PRDM9: variants seen among roughly 807,000 people sequenced by gnomAD.
PRDM9 encodes PR/SET domain 9.
Under a neutral mutation model 55.6 loss-of-function variants are expected in PRDM9, and 47 were observed. The observed-to-expected ratio is 0.85, with a 90% CI of 0.67 to 1.08. PRDM9 has a LOEUF of 1.08. Ranked by LOEUF, PRDM9 falls within the 50% of genes least tolerant of loss-of-function variation. The pLI, the probability that PRDM9 is intolerant of heterozygous loss-of-function variation, is 0.00. For synonymous variants in PRDM9, 312 were observed against 375.7 expected (o/e 0.83, Z 1.96); for missense variants, 867 against 1,040.3 (o/e 0.83, Z 2.29).
chr5:23,522,317 G>T lies in PRDM9; in HGVS notation c.522G>T (p.Lys174Asn). The T allele has an allele frequency of 6.2e-7, 1 of 1,613,808 alleles. No homozygotes were observed. The highest frequency in any genetic ancestry group is 1.1e-5 in the South Asian group (1 of 91,064). ...HSRLKLELRK[K>N]ETERKMYSLR... ...TCTCCAACCTAGAACTCAGGAAGAA[G>T]GAGACTGAAAGAAAGATGTATAGCC... is the stretch of plus-strand genomic sequence containing the variant. Residue 174 changes from lysine (K) to asparagine (N), a missense_variant, in exon 7 of 11, where the codon AAG (lysine) becomes AAT (asparagine). Coordinates refer to ENST00000296682, the MANE Select transcript of PRDM9 (RefSeq NM_020227.4).
intron 6 of PRDM9, among the ~76,000 whole-genome samples, chr5:23,521,626 C>T (rs1450188405): frequency 6.6e-6 from 1 of 152,174 alleles, no homozygotes; most frequent in African/African-American, 2.4e-5. Flanking sequence ...GCTTGAGCCA[C>T]CATGTCCAGC....
At chr5:23,509,880 A>C in intron 3 of PRDM9, 40 bp from the exon 4 acceptor site, 1 of 1,608,730 alleles carries the variant, frequency 6.2e-7, no homozygotes, top group Non-Finnish European at 8.5e-7. Context: ...TCCTTCTCCC[A>C]GCTCTTCCAT....
At chr5:23,510,195 C>T (rs1462817959) in intron 4 of PRDM9, among the ~76,000 whole-genome samples, 168 bp downstream of exon 4, 1 of 151,508 alleles carries the variant, frequency 6.6e-6, no homozygotes, top group African/African-American at 2.4e-5. Flanking sequence ...ACTGGGATTA[C>T]AAGCATCCAC....
chr5:23,508,959 G>A lies in PRDM9; in HGVS notation c.-75G>A. ...CCTTCTCCTTCCACAGGAGCCTTTG[G>A]CCTAGGAGCTGGGAGACTCAGGGCC... On this transcript the variant is annotated 5_prime_UTR_variant, in exon 2 of 11. Transcript: ENST00000296682. 6.4e-7 allele frequency: 1 copy of A among 1,552,864 alleles called. No homozygotes were observed. Among genetic ancestry groups the A allele is most frequent in the Non-Finnish European group, 8.8e-7 (1 of 1,132,896 alleles).
chr5:23,516,372 T>A (rs1295407603), intron 4 of PRDM9, among the ~76,000 whole-genome samples: 1 of 152,164 alleles, frequency 6.6e-6, no homozygotes, highest in East Asian at 1.9e-4. Context: ...GGTGAATTCA[T>A]GTATTATTAT....
In PRDM9 at chr5:23,520,051, T is replaced by A. The variant is rs12110132; in HGVS notation, c.352-972T>A. 4.5e-3 allele frequency among the ~76,000 whole-genome samples: 631 copies of A among 141,424 alleles called. 4 individuals carry two copies. Among genetic ancestry groups the A allele is most frequent in the Non-Finnish European group, 5.2e-3 (341 of 65,110 alleles). The allele number at this position is 141,424 out of a possible 152,430, so 92.8% of individuals were successfully genotyped here. On this transcript the variant is annotated intron_variant, in intron 5 of 10. Coordinates refer to ENST00000296682, the MANE Select transcript of PRDM9 (RefSeq NM_020227.4). Reference sequence around the variant, plus strand: ...AAAGTGAGACTCCCTCTCAAAAAAATAAAAAAAAAAAAGAATTAGCATGGT... The same window carrying A: ...AAAGTGAGACTCCCTCTCAAAAAAAAAAAAAAAAAAAAGAATTAGCATGGT...
At chr5:23,516,301 T>C (rs1017984775) in intron 4 of PRDM9, among the ~76,000 whole-genome samples, 1 of 152,212 alleles carries the variant, frequency 6.6e-6, no homozygotes, top group Non-Finnish European at 1.5e-5. Flanking sequence ...TTAATTTCCT[T>C]TGTGGATTGC....
Position 23,526,802 on chromosome 5 carries a change from A to C in PRDM9, c.1714A>C (p.Arg572=). The change falls in exon 11 of 11, where the codon AGG becomes CGG. Residue 572 remains arginine, a synonymous_variant. Transcript: ENST00000296682. The stretch of plus-strand genomic sequence containing the variant: ...GAAGTCACACCTCCTCATTCACCAG[A>C]GGATACACACAGGGGAGAAGCCCTA... The part of the protein sequence containing the change: ...SWKSHLLIHQ[R]IHTGEKPYVC... 2 of 1,587,592 alleles carry C rather than the reference A, an allele frequency of 1.3e-6. No individual in the cohort carries two copies. Among genetic ancestry groups the C allele is most frequent in the Non-Finnish European group, 1.7e-6 (2 of 1,168,114 alleles).
chr5:23,509,685 G>T, intron 3 of PRDM9, 92 bp downstream of exon 3: 1 of 1,597,964 alleles, frequency 6.3e-7, no homozygotes, highest in East Asian at 2.2e-5. Flanking sequence ...GGTGGCATCT[G>T]CCCACAATTC....
rs372056056 is a variant in PRDM9 at position 23,522,924 on chromosome 5, A to C, written c.882+39A>C. 13 of 1,614,078 alleles carry C rather than the reference A, an allele frequency of 8.1e-6. No individual in the cohort carries two copies. The African/African-American group carries it at 1.3e-4, about 17-fold the overall frequency. Reference sequence around the variant, plus strand: ...GCCATTTCCCCTGTTCTGTCTTCCCACATCCCTTCTGTGCCTTTGGTGGGG... The same window carrying C: ...GCCATTTCCCCTGTTCTGTCTTCCCCCATCCCTTCTGTGCCTTTGGTGGGG... On this transcript the variant is annotated intron_variant, in intron 8 of 10. Coordinates refer to ENST00000296682, the MANE Select transcript of PRDM9 (RefSeq NM_020227.4).
chr5:23,514,643 T>C (rs1561017948), intron 4 of PRDM9, among the ~76,000 whole-genome samples: 1 of 152,128 alleles, frequency 6.6e-6, no homozygotes, highest in Admixed American at 6.5e-5. Context: ...TTTTACCATG[T>C]TGACCAGGCT....
At chr5:23,509,755 G>A (rs1181645161) in intron 3 of PRDM9, among the ~76,000 whole-genome samples, 162 bp downstream of exon 3, 7 of 152,144 alleles carry the variant, frequency 4.6e-5, no homozygotes, top group South Asian at 4.1e-4. Context: ...GTGCAGGGCT[G>A]AGTGTGGATA....
chr5:23,523,663 A>C (rs1739378139), intron 9 of PRDM9, among the ~76,000 whole-genome samples: 1 of 152,228 alleles, frequency 6.6e-6, no homozygotes, highest in Admixed American at 6.5e-5. Context: ...ATCCACGTTT[A>C]TTAAGCACTT....
chr5:23,521,333 AATT>A (rs1476081011), intron 6 of PRDM9, among the ~76,000 whole-genome samples, 154 bp downstream of exon 6: 1 of 152,032 alleles, frequency 6.6e-6, no homozygotes, highest in Non-Finnish European at 1.5e-5. Context: ...ATTTTGTTAA[AATT>A]ATTTATTTAT....
chr5:23,521,613 C>T (rs1182489040), intron 6 of PRDM9, among the ~76,000 whole-genome samples: 1 of 152,168 alleles, frequency 6.6e-6, no homozygotes, highest in African/African-American at 2.4e-5. Context: ...GCTGGGATTA[C>T]AGGCTTGAGC....
intron 4 of PRDM9, among the ~76,000 whole-genome samples, chr5:23,511,284 C>A (rs1739090667): frequency 6.6e-6 from 1 of 152,134 alleles, no homozygotes; most frequent in African/African-American, 2.4e-5. Flanking sequence ...AAGCAAAATG[C>A]AAGACAGTAT....
chr5:23,524,391 C>A lies in PRDM9; in HGVS notation c.1008C>A (p.His336Gln). 1.2e-6 allele frequency: 2 copies of A among 1,613,868 alleles called. No individual in the cohort carries two copies. Among genetic ancestry groups the A allele is most frequent in the Non-Finnish European group, 1.7e-6 (2 of 1,179,786 alleles). Residue 336 changes from histidine (H) to glutamine (Q), a missense_variant, in exon 10 of 11, where the codon CAC becomes CAA. Physicochemically the swap from His to Gln is conservative, Grantham distance 24. Transcript: ENST00000296682. ...AGAACCTGGTGGCCTTCCAGTACCACAGGCAGATCTTCTATAGAACCTGCC... is the reference window on the plus strand; with the variant it reads ...AGAACCTGGTGGCCTTCCAGTACCAAAGGCAGATCTTCTATAGAACCTGCC... ...EEQNLVAFQY[H>Q]RQIFYRTCRV...
intron 4 of PRDM9, among the ~76,000 whole-genome samples, chr5:23,517,524 G>A (rs1739238105): frequency 6.6e-6 from 1 of 152,100 alleles, no homozygotes; most frequent in South Asian, 2.1e-4. Context: ...GGTGGCTCAC[G>A]CCTGTAATCT....
intron 4 of PRDM9, among the ~76,000 whole-genome samples, chr5:23,513,680 G>A (rs917130917): frequency 6.6e-6 from 1 of 152,066 alleles, no homozygotes; most frequent in African/African-American, 2.4e-5. Context: ...AGGAGTTTGA[G>A]ACCAGCCTGG....
Sources: gnomAD v4.1 joint callset for allele counts (sites outside exome capture counted in the v4.1 genomes callset) on GRCh38, gnomAD v4.1.1 for gene constraint, MANE v1.5 for transcripts, NCBI Gene and HGNC (gene_info 2026-07-23, HGNC 2026-07-21) for gene names.